Variants in FCRL5 observed in about 807,000 individuals in gnomAD.
FCRL5 encodes the protein Fc receptor like 5, also known as Fc receptor-like protein 5.
Under a neutral mutation model 92.1 loss-of-function variants are expected in FCRL5, and 79 were observed. The ratio of observed to expected loss-of-function variants is 0.86; its 90% confidence interval spans 0.72 to 1.03. The LOEUF (loss-of-function observed/expected upper bound fraction) is 1.03. Among genes scored for constraint, FCRL5 ranks in the 50% least tolerant of loss-of-function variants. The probability of loss-of-function intolerance (pLI) is 0.00; values close to 1 mark genes in which losing one functional copy is unlikely to be tolerated. For missense variants in FCRL5, 1,160 were observed against 1,181.1 expected (o/e 0.98, Z 0.26); for synonymous variants, 466 against 469.3 (o/e 0.99, Z 0.09).
Position 157,534,679 on chromosome 1 carries a change from T to C in FCRL5, c.1616A>G (p.Tyr539Cys). The C allele has an allele frequency of 6.2e-7, 1 of 1,614,188 alleles. No individual in the cohort carries two copies. The highest frequency in any genetic ancestry group is 8.5e-7 in the Non-Finnish European group (1 of 1,180,034). ...AAAGCCATTGTCAGCTGTGCAGTAG[T>C]AATTCCCTGAATGTCCTTCAGTCAG... ...FSLTEGHSGN[Y>C]YCTADNGFGP... is the part of the protein sequence containing the mutation. The change falls in exon 8 of 17, where the codon TAC becomes TGC. Residue 539 changes from tyrosine (Y) to cysteine (C), a missense_variant. By Grantham distance (194) the Tyr-to-Cys change is radical (BLOSUM62 -2). Coordinates refer to ENST00000361835, the MANE Select transcript of FCRL5 (RefSeq NM_031281.3).
rs775945446 is a variant in FCRL5, at chr1:157,534,756, G to A, written c.1539C>T (p.Pro513=). Residue 513 remains proline, a synonymous_variant, in exon 8 of 17, where the codon CCC becomes CCT. Transcript: ENST00000361835. ...CAGAGGGTGTTGAGCTGCTCCACAGGGGCATGTCCTCATGATAAAACTGGT... is the reference window on the plus strand; with the variant it reads ...CAGAGGGTGTTGAGCTGCTCCACAGAGGCATGTCCTCATGATAAAACTGGT... ...ILYQFYHEDM[P]LWSSSTPSVG... is the part of the protein sequence containing the mutation. 4.3e-6 allele frequency: 7 copies of A among 1,613,992 alleles called. No homozygotes were observed. Among genetic ancestry groups the A allele is most frequent in the Non-Finnish European group, 5.9e-6 (7 of 1,180,026 alleles).
intron 9 of FCRL5, among the ~76,000 whole-genome samples, chr1:157,526,663 A>T (rs1279975258): frequency 6.6e-6 from 1 of 152,118 alleles, no homozygotes; most frequent in Non-Finnish European, 1.5e-5. Context: ...TAGGAAAAGG[A>T]CAGATGAGTT....
At chr1:157,526,778 C>A (rs192989384) in intron 9 of FCRL5, among the ~76,000 whole-genome samples, 1 of 151,876 alleles carries the variant, frequency 6.6e-6, no homozygotes, top group African/African-American at 2.4e-5. Context: ...CCTGGGAGTT[C>A]TGTTGAGGTC....
chr1:157,518,996 G>A (rs960257965), intron 13 of FCRL5: 10 of 430,162 alleles, frequency 2.3e-5, no homozygotes, highest in African/African-American at 1.2e-4. Flanking sequence ...TAACAGGCAT[G>A]GTGCTGATGC....
At chr1:157,516,154 T>C (rs1247823947) in intron 15 of FCRL5, 2 of 565,244 alleles carry the variant, frequency 3.5e-6, no homozygotes, top group Non-Finnish European at 6.3e-6. Context: ...TTTTATCTTG[T>C]TAGTTATTTG....
Position 157,547,203 on chromosome 1 carries a change from G to A in FCRL5, c.53-6C>T. 6.2e-7 allele frequency: 1 copy of A among 1,613,360 alleles called. No individual in the cohort carries two copies. Among genetic ancestry groups the A allele is most frequent in the Non-Finnish European group, 8.5e-7 (1 of 1,179,886 alleles). On this transcript the variant is annotated splice_region_variant and splice_polypyrimidine_tract_variant and intron_variant, in intron 2 of 16. Coordinates refer to ENST00000361835, the MANE Select transcript of FCRL5 (RefSeq NM_031281.3). ...AATGGGCCTGGGTGTCCTTGCTGAA[G>A]AGGAAAGAGAAAAGGAGTCTGAGGT...
At chr1:157,520,888 T>G in intron 11 of FCRL5, 129 bp downstream of exon 11, 3 of 1,125,752 alleles carry the variant, frequency 2.7e-6, no homozygotes, top group Non-Finnish European at 2.5e-6. Context: ...ATATAGCAGT[T>G]TAGAGAGCTG....
At chr1:157,535,397 A>G (rs1275452938) in intron 7 of FCRL5, among the ~76,000 whole-genome samples, 1 of 152,238 alleles carries the variant, frequency 6.6e-6, no homozygotes, top group Non-Finnish European at 1.5e-5. Context: ...AACTATCTCC[A>G]TATAAGAAAA....
At chr1:157,546,254 C>T in intron 3 of FCRL5, 1 of 454,042 alleles carries the variant, frequency 2.2e-6, no homozygotes, top group Non-Finnish European at 4.4e-6. Flanking sequence ...TCAACATTAG[C>T]CTGGGCAGCA....
chr1:157,515,795 A>G lies in FCRL5; in HGVS notation c.2845-31T>C, dbSNP rs4266876. The G allele has an allele frequency of 5.1e-3, 7,290 of 1,420,094 alleles. 263 individuals are homozygous for G. In the African/African-American group the frequency reaches 0.091, roughly 18 times the overall value. 88.0% of individuals were successfully genotyped at this position (1,420,094 alleles called of 1,614,324 possible). Reference sequence around the variant, plus strand: ...AGGCAAGAGCACATGCGTGAGGACCAGGGTGGGCCTGGGGGTGGGGGAGGG... The same window carrying G: ...AGGCAAGAGCACATGCGTGAGGACCGGGGTGGGCCTGGGGGTGGGGGAGGG... On this transcript the variant is annotated intron_variant, in intron 16 of 16. Coordinates refer to ENST00000361835, the MANE Select transcript of FCRL5 (RefSeq NM_031281.3).
In FCRL5 at chr1:157,521,000, G is replaced by T; in HGVS notation, c.2515+17C>A. On this transcript the variant is annotated intron_variant, in intron 11 of 16. Coordinates refer to ENST00000361835, the MANE Select transcript of FCRL5 (RefSeq NM_031281.3). ...AACATTTTGTCCGCATCTGTGGCCC[G>T]GGCACGGGAAACTTACCTGTGATAT... The T allele has an allele frequency of 6.3e-7, 1 of 1,585,580 alleles. No homozygotes were observed. The highest frequency in any genetic ancestry group is 8.6e-7 in the Non-Finnish European group (1 of 1,166,110).
chr1:157,524,539 A>G lies in FCRL5; in HGVS notation c.1979T>C (p.Ile660Thr). 1 of 1,600,682 alleles carries G rather than the reference A, an allele frequency of 6.2e-7. No homozygotes were observed. Among genetic ancestry groups the G allele is most frequent in the Non-Finnish European group, 8.5e-7 (1 of 1,172,344 alleles). The change falls in exon 10 of 17, where the codon ATC (isoleucine) becomes ACC (threonine). Residue 660 changes from isoleucine to threonine, a missense_variant. Ile to Thr is a moderately conservative substitution (Grantham distance 89). Coordinates refer to ENST00000361835, the MANE Select transcript of FCRL5 (RefSeq NM_031281.3). ...GGCCCTGGGAGCCCTGAAGGTGAGG[A>G]TGGGACGAGATACTGGAACTGAGGG... ...LSVIVPVSRP[I>T]LTFRAPRAQA...
Position 157,519,782 on chromosome 1 carries a change from A to G in FCRL5, c.2633-12T>C. 1 of 1,613,932 alleles carries G rather than the reference A, an allele frequency of 6.2e-7. No homozygotes were observed. The highest frequency in any genetic ancestry group is 2.2e-5 in the East Asian group (1 of 44,878). ...GGCAGGCTTTCTCCCTGTAAAGGAA[A>G]GCAGAGGAGCATTGGATTCAGGAAG... On this transcript the variant is annotated splice_polypyrimidine_tract_variant and intron_variant, in intron 12 of 16. Coordinates refer to ENST00000361835, the MANE Select transcript of FCRL5 (RefSeq NM_031281.3).
Position 157,543,149 on chromosome 1 carries a change from A to G in FCRL5, c.845-12T>C. 1 of 1,608,276 alleles carries G rather than the reference A, an allele frequency of 6.2e-7. No individual in the cohort carries two copies. The highest frequency in any genetic ancestry group is 8.5e-7 in the Non-Finnish European group (1 of 1,177,144). On this transcript the variant is annotated splice_polypyrimidine_tract_variant and intron_variant, in intron 5 of 16. Coordinates refer to ENST00000361835, the MANE Select transcript of FCRL5 (RefSeq NM_031281.3). ...ATGAGATGCAGGGACTGAGCAAGAG[A>G]AAAAATTAGTCAAGAATTGCTTTTG... is the stretch of plus-strand genomic sequence containing the variant.
chr1:157,552,425 T>G lies in FCRL5; in HGVS notation c.-63A>C. ...AGTTTCCTCAATTCCAAAACAGGTT[T>G]GGACTTGATCTTACAGTCAGGACAC... On this transcript the variant is annotated 5_prime_UTR_variant, in exon 1 of 17. Coordinates refer to ENST00000361835, the MANE Select transcript of FCRL5 (RefSeq NM_031281.3). The G allele has an allele frequency of 3.7e-5, 59 of 1,579,610 alleles. No homozygotes were observed. Among genetic ancestry groups the G allele is most frequent in the Non-Finnish European group, 4.8e-5 (55 of 1,148,758 alleles).
At chr1:157,527,370 A>G (rs11264750) in intron 9 of FCRL5, among the ~76,000 whole-genome samples, 9,850 of 152,206 alleles carry the variant, frequency 0.065, 807 homozygotes, top group African/African-American at 0.19. Flanking sequence ...CTTTACTCCT[A>G]TGTTAGGGGA....
chr1:157,545,122 G>C, intron 3 of FCRL5, 40 bp from the exon 4 acceptor site: 1 of 1,568,660 alleles, frequency 6.4e-7, no homozygotes. Context: ...TCATCCTACT[G>C]TTTCCCCTTT....
intron 7 of FCRL5, among the ~76,000 whole-genome samples, chr1:157,536,719 C>T (rs1433931047): frequency 2.6e-5 from 4 of 152,212 alleles, no homozygotes; most frequent in Non-Finnish European, 4.4e-5. Context: ...TGAAAGTGTC[C>T]TCCCTCCCTC....
In FCRL5 at chr1:157,518,650, C is replaced by T. The variant is rs180791235; in HGVS notation, c.2743+50G>A. ...TCCCCATCTCCTGCCCCACCGCTTT[C>T]CCACACCAGCCCTCCAGCTTCTGCC... On this transcript the variant is annotated intron_variant, in intron 14 of 16. Coordinates refer to ENST00000361835, the MANE Select transcript of FCRL5 (RefSeq NM_031281.3). 4.7e-5 allele frequency: 73 copies of T among 1,560,344 alleles called. No individual in the cohort carries two copies. In the East Asian group the frequency reaches 1.6e-3, roughly 34 times the overall value.
Sources: gnomAD v4.1 joint callset for allele counts (sites outside exome capture counted in the v4.1 genomes callset) on GRCh38, gnomAD v4.1.1 for gene constraint, MANE v1.5 for transcripts, NCBI Gene and HGNC (gene_info 2026-07-23, HGNC 2026-07-21) for gene names.